The following ZNF567 variants were observed in gnomAD, a reference collection of about 807,000 sequenced individuals.
ZNF567 encodes zinc finger protein 567.
ZNF567 carries 36 observed loss-of-function variants against 53.9 expected under a neutral mutation model. That is an observed-to-expected ratio of 0.67 (90% CI 0.51 to 0.88). The LOEUF is 0.88. ZNF567 is among the 40% of genes least tolerant of loss of function. The pLI, the probability that ZNF567 is intolerant of heterozygous loss-of-function variation, is 0.00. For synonymous variants in ZNF567, 224 were observed against 260.4 expected (o/e 0.86, Z 1.35); for missense variants, 619 against 764.7 (o/e 0.81, Z 2.25).
intron 2 of ZNF567, among the ~76,000 whole-genome samples, chr19:36,690,462 C>T (rs1032898322): frequency 1.3e-5 from 2 of 151,954 alleles, no homozygotes; most frequent in Non-Finnish European, 2.9e-5. Flanking sequence ...CGTAGTGGCA[C>T]GCCCCTGTGG....
At chr19:36,704,107 C>T (rs2039364967) in intron 3 of ZNF567, among the ~76,000 whole-genome samples, 1 of 152,190 alleles carries the variant, frequency 6.6e-6, no homozygotes, top group African/African-American at 2.4e-5. Flanking sequence ...TTCCAGTTTG[C>T]TGATAGTTTT....
intron 1 of ZNF567, among the ~76,000 whole-genome samples, chr19:36,688,712 C>T (rs1186839430): frequency 3.4e-5 from 5 of 147,884 alleles, no homozygotes; most frequent in African/African-American, 7.5e-5. Context: ...GAGGCTGAGT[C>T]AGGAGAATGG....
chr19:36,726,449 G>C (rs945945910), downstream of ZNF567, among the ~76,000 whole-genome samples: 2 of 152,152 alleles, frequency 1.3e-5, no homozygotes, highest in African/African-American at 4.8e-5. Context: ...TGCCACATAG[G>C]GGGTGAGAAT....
chr19:36,709,661 GT>G (rs2039677798), intron 3 of ZNF567, among the ~76,000 whole-genome samples: 1 of 150,466 alleles, frequency 6.6e-6, no homozygotes. Flanking sequence ...AGTCCTGCTG[GT>G]GATGTTGCCC....
At chr19:36,727,270 A>G (rs888222981), downstream of ZNF567, 7 of 150,094 alleles carry the variant, frequency 4.7e-5, no homozygotes, top group Admixed American at 1.3e-4. Context: ...GGGGTTTCCT[A>G]TGTTGGCCAG....
At chr19:36,705,480 G>A (rs1157597622) in intron 3 of ZNF567, among the ~76,000 whole-genome samples, 1 of 152,082 alleles carries the variant, frequency 6.6e-6, no homozygotes, top group Admixed American at 6.6e-5. Context: ...AATATTTGGG[G>A]ATTTTCCAAA....
intron 1 of ZNF567, among the ~76,000 whole-genome samples, chr19:36,689,033 G>C (rs2038437188): frequency 6.7e-6 from 1 of 149,806 alleles, no homozygotes; most frequent in Non-Finnish European, 1.5e-5. Context: ...GGAGGTGGAA[G>C]TTGCAGTGAG....
intron 5 of ZNF567, among the ~76,000 whole-genome samples, chr19:36,717,807 A>C (rs1341911354): frequency 6.6e-6 from 1 of 152,208 alleles, no homozygotes; most frequent in Non-Finnish European, 1.5e-5. Context: ...TGGTATTCTG[A>C]TCTACCATAT....
At chr19:36,679,762 G>A in the ZNF567 span, among the ~76,000 whole-genome samples, 1 of 151,966 alleles carries the variant, frequency 6.6e-6, no homozygotes, top group African/African-American at 2.4e-5. Flanking sequence ...ACTTACATGT[G>A]GAATCTAAAA....
chr19:36,691,916 G>A (rs1189202025), intron 2 of ZNF567, among the ~76,000 whole-genome samples: 2 of 152,154 alleles, frequency 1.3e-5, no homozygotes, highest in East Asian at 3.9e-4. Context: ...CCAAAGTGCT[G>A]GGATTACAGG....
chr19:36,683,891 G>A (rs184646987), upstream of ZNF567, among the ~76,000 whole-genome samples: 40 of 152,128 alleles, frequency 2.6e-4, no homozygotes, highest in Non-Finnish European at 3.2e-4. Flanking sequence ...ATATAGTAGC[G>A]AATAGACATT....
chr19:36,668,167 C>T, the ZNF567 span: 3 of 152,304 alleles, frequency 2.0e-5, no homozygotes, highest in Non-Finnish European at 2.9e-5. Flanking sequence ...CTGGTGGTCT[C>T]GAACTCCTGG....
intron 5 of ZNF567, chr19:36,714,301 A>C: frequency 3.1e-6 from 1 of 326,160 alleles, no homozygotes. Flanking sequence ...AGCTGGGATT[A>C]CAGGTGCGCA....
intron 2 of ZNF567, among the ~76,000 whole-genome samples, chr19:36,690,961 A>T (rs2038574565): frequency 6.6e-6 from 1 of 152,212 alleles, no homozygotes; most frequent in African/African-American, 2.4e-5. Context: ...TGTGAGGGTC[A>T]TTGGATCTAC....
intron 3 of ZNF567, among the ~76,000 whole-genome samples, chr19:36,711,074 G>T (rs904169378): frequency 4.0e-5 from 6 of 150,246 alleles, no homozygotes; most frequent in Admixed American, 2.0e-4. Context: ...CTCACTTTTT[G>T]TGTGTGTGTG....
the ZNF567 span, among the ~76,000 whole-genome samples, chr19:36,677,518 G>A: frequency 2.8e-5 from 4 of 141,818 alleles, no homozygotes; most frequent in South Asian, 6.8e-4. Context: ...TTTAATCCCA[G>A]CACTTTGGGA....
chr19:36,692,070 G>A (rs944895808), intron 2 of ZNF567, among the ~76,000 whole-genome samples: 2 of 152,190 alleles, frequency 1.3e-5, no homozygotes, highest in African/African-American at 4.8e-5. Context: ...GCACACTTGG[G>A]TTGTTTCCAG....
chr19:36,708,421 C>T (rs2145790490), intron 3 of ZNF567, among the ~76,000 whole-genome samples: 1 of 152,136 alleles, frequency 6.6e-6, no homozygotes, highest in East Asian at 1.9e-4. Context: ...AGGTCAAGAG[C>T]AGCATTTTGG....
chr19:36,713,701 G>A (rs770358721), intron 5 of ZNF567, among the ~76,000 whole-genome samples: 18 of 152,162 alleles, frequency 1.2e-4, no homozygotes. Flanking sequence ...TCGGGAGGCT[G>A]AGGCGGGCAG....
Sources: gnomAD v4.1 joint callset for allele counts (sites outside exome capture counted in the v4.1 genomes callset) on GRCh38, gnomAD v4.1.1 for gene constraint, MANE v1.5 for transcripts, NCBI Gene and HGNC (gene_info 2026-07-23, HGNC 2026-07-21) for gene names.